The following CDHR2 variants were observed in gnomAD, a reference collection of about 807,000 sequenced individuals.
The protein encoded by CDHR2 is cadherin related family member 2.
A neutral mutation model predicts 138.6 loss-of-function variants in CDHR2; 104 were observed. The ratio of observed to expected loss-of-function variants is 0.75; its 90% CI spans 0.64 to 0.88. The LOEUF (loss-of-function observed/expected upper bound fraction) is 0.88, where lower values mean the gene tolerates loss of function less well. Among genes scored for constraint, CDHR2 ranks in the 40% least tolerant of loss-of-function variants. The pLI, the probability that CDHR2 is intolerant of heterozygous loss-of-function variation, is 0.00. For synonymous variants in CDHR2, 755 were observed against 742.8 expected (o/e 1.02, Z -0.27); for missense variants, 1,624 against 1,727.6 (o/e 0.94, Z 1.06).
upstream of CDHR2, chr5:176,547,410 A>G (rs1431716492): frequency 2.0e-5 from 3 of 152,042 alleles, no homozygotes; most frequent in African/African-American, 7.2e-5. Flanking sequence ...ATATATATAT[A>G]TATATAATTT....
chr5:176,544,422 C>A (rs1272497795), upstream of CDHR2, among the ~76,000 whole-genome samples: 2 of 17,642 alleles, frequency 1.1e-4, no homozygotes, highest in South Asian at 3.8e-3. Context: ...TCTTCTTTTC[C>A]TTTATTTTCT....
chr5:176,577,372 T>A (rs1479961970), intron 12 of CDHR2, 27 bp from the exon 13 acceptor site: 1 of 1,592,506 alleles, frequency 6.3e-7, no homozygotes, highest in Non-Finnish European at 8.5e-7. Flanking sequence ...GGGGGACAGG[T>A]CCCTGCTAGA....
chr5:176,573,574 G>C (rs566762208), intron 6 of CDHR2, among the ~76,000 whole-genome samples: 5 of 152,126 alleles, frequency 3.3e-5, no homozygotes, highest in Non-Finnish European at 7.4e-5. Flanking sequence ...TTAAACCCAG[G>C]GGGCAGAGGT....
rs1204771084 is a variant in CDHR2, at chr5:176,568,939, C to G, written c.265-21C>G. Reference sequence around the variant, plus strand: ...ACCCAGCGGGGGCTCACCACCGGCCCCTTCTCTCTGGCTGCTGCAGACACT... The same window carrying G: ...ACCCAGCGGGGGCTCACCACCGGCCGCTTCTCTCTGGCTGCTGCAGACACT... On this transcript the variant is annotated intron_variant, in intron 4 of 31. Transcript: ENST00000261944. 9 of 1,613,830 alleles carry G rather than the reference C, an allele frequency of 5.6e-6. No individual in the cohort carries two copies. The Middle Eastern group carries it at 5.0e-4, about 89-fold the overall frequency.
chr5:176,566,036 T>C (rs1448137589), intron 3 of CDHR2, among the ~76,000 whole-genome samples: 1 of 151,242 alleles, frequency 6.6e-6, no homozygotes, highest in Non-Finnish European at 1.5e-5. Flanking sequence ...GAGGATCCCC[T>C]TGGGCCACGC....
Position 176,553,741 on chromosome 5 carries a change from C to T in CDHR2, c.-16+4327C>T, listed in dbSNP as rs1263095831. ...GCCAGCCCCGCCACCACCACCATCTCCCTCCCCCAACTGTCACCTCCACCA... is the reference window on the plus strand; with the variant it reads ...GCCAGCCCCGCCACCACCACCATCTTCCTCCCCCAACTGTCACCTCCACCA... On this transcript the variant is annotated intron_variant, in intron 1 of 31. Coordinates refer to ENST00000261944, the MANE Select transcript of CDHR2 (RefSeq NM_017675.6). The surrounding 1 kb of genome is among the most constrained non-coding windows in gnomAD (Gnocchi z 4.3). Among the ~76,000 whole-genome samples, 2 of 151,564 alleles carry T rather than the reference C, an allele frequency of 1.3e-5. No homozygotes were observed. The highest frequency in any genetic ancestry group is 4.2e-4 in the South Asian group (2 of 4,750).
chr5:176,566,628 C>G (rs571270605), intron 3 of CDHR2, among the ~76,000 whole-genome samples: 1 of 152,086 alleles, frequency 6.6e-6, no homozygotes, highest in African/African-American at 2.4e-5. Context: ...GCCTTCTTCC[C>G]GCTCAGTGGC....
In CDHR2 at chr5:176,565,346, G is replaced by A. The variant is rs778132715; in HGVS notation, c.-7G>A. 4.3e-5 allele frequency: 70 copies of A among 1,613,654 alleles called. No homozygotes were observed. Among genetic ancestry groups the A allele is most frequent in the African/African-American group, 6.7e-5 (5 of 74,888 alleles). On this transcript the variant is annotated 5_prime_UTR_variant, in exon 2 of 32. Transcript: ENST00000261944. The stretch of plus-strand genomic sequence containing the variant: ...CTGACCTCTTCCCTTAGGTCCCTGC[G>A]GATGTGATGGCCCAGCTATGGCTGT...
Position 176,557,689 on chromosome 5 carries a change from T to TC in CDHR2, c.-15-7648dup, listed in dbSNP as rs1561866741. The stretch of plus-strand genomic sequence containing the variant: ...AAGTCATTATCTGTTGATTTTTTTT[T>TC]CTTTCTTTCTTTCTTTCTTTCTTTT... On this transcript the variant is annotated intron_variant, in intron 1 of 31. Coordinates refer to ENST00000261944, the MANE Select transcript of CDHR2 (RefSeq NM_017675.6). Among the ~76,000 whole-genome samples, 218 of 32,690 alleles carry TC rather than the reference T, an allele frequency of 6.7e-3. 2 individuals are homozygous for TC. The highest frequency in any genetic ancestry group is 8.8e-3 in the African/African-American group (198 of 22,528). The allele number at this position is 32,690 out of a possible 152,430, so 21.4% of individuals were successfully genotyped here.
upstream of CDHR2, among the ~76,000 whole-genome samples, chr5:176,546,783 C>T (rs994301127): frequency 3.4e-5 from 5 of 147,452 alleles, no homozygotes; most frequent in African/African-American, 1.3e-4. Flanking sequence ...TTGAACCCAG[C>T]AGTCTGACCC....
At position 176,577,454 on chromosome 5, in the gene CDHR2, G is replaced by A; in HGVS notation, c.1250G>A (p.Ser417Asn). ...SLGGPDAEAFSVSPERAVGSA... is the reference protein window; with the variant it reads ...SLGGPDAEAFNVSPERAVGSA... ...GGGGGCCCCGATGCAGAAGCCTTCA[G>A]CGTCTCCCCGGAGCGGGCAGTGGGC... is the stretch of plus-strand genomic sequence containing the variant. Residue 417 changes from serine (S) to asparagine (N), a missense_variant, in exon 13 of 32, where the codon AGC becomes AAC. Physicochemically the swap from Ser to Asn is conservative, Grantham distance 46 (BLOSUM62 1). Transcript: ENST00000261944. 6.2e-7 allele frequency: 1 copy of A among 1,610,240 alleles called. No individual in the cohort carries two copies. The highest frequency in any genetic ancestry group is 8.5e-7 in the Non-Finnish European group (1 of 1,178,732).
intron 1 of CDHR2, among the ~76,000 whole-genome samples, chr5:176,544,258 G>A (rs1757530541): frequency 1.3e-5 from 2 of 152,244 alleles, no homozygotes; most frequent in Middle Eastern, 3.2e-3. Flanking sequence ...GAGGGAATGA[G>A]TGCCCTGGAA....
At position 176,578,493 on chromosome 5, in the gene CDHR2, C is replaced by T; in HGVS notation, c.1703C>T (p.Ser568Phe). The change falls in exon 16 of 32, where the codon TCC becomes TTC. Residue 568 changes from serine to phenylalanine, a missense_variant. Transcript: ENST00000261944. ...GCCACAGACGGCGGGAACCTGTCCT[C>T]CTCCACCACACTGCAGATCCACCTG... is the stretch of plus-strand genomic sequence containing the variant. ...LQATDGGNLS[S>F]STTLQIHLLD... is the part of the protein sequence containing the mutation. 2 of 1,613,968 alleles carry T rather than the reference C, an allele frequency of 1.2e-6. No homozygotes were observed. Among genetic ancestry groups the T allele is most frequent in the Admixed American group, 1.7e-5 (1 of 60,004 alleles).
chr5:176,565,280 G>T, intron 1 of CDHR2, 58 bp from the exon 2 acceptor site: 1 of 1,280,198 alleles, frequency 7.8e-7, no homozygotes, highest in South Asian at 1.2e-5. Flanking sequence ...GCAGATGGGA[G>T]TCTGCCAAAA....
At chr5:176,585,197 T>C (rs1758630424) in intron 19 of CDHR2, among the ~76,000 whole-genome samples, 182 bp downstream of exon 19, 2 of 152,222 alleles carry the variant, frequency 1.3e-5, no homozygotes, top group African/African-American at 4.8e-5. Flanking sequence ...CCAGTGGAGT[T>C]GGGCAGTGGG....
intron 21 of CDHR2, 82 bp downstream of exon 21, chr5:176,586,924 A>G: frequency 8.5e-7 from 1 of 1,176,458 alleles, no homozygotes; most frequent in Non-Finnish European, 1.2e-6. Context: ...TCCATGGTAG[A>G]AAGAAAATAT....
At chr5:176,565,069 G>A (rs1347965504) in intron 1 of CDHR2, among the ~76,000 whole-genome samples, 1 of 152,158 alleles carries the variant, frequency 6.6e-6, no homozygotes, top group East Asian at 1.9e-4. Context: ...TAACACAGCT[G>A]CACATCTAGT....
chr5:176,565,265 C>T, intron 1 of CDHR2, 73 bp from the exon 2 acceptor site: 1 of 1,104,034 alleles, frequency 9.1e-7, no homozygotes, highest in Admixed American at 1.7e-5. Context: ...TCAGGTCAGA[C>T]CCAGGCAGAT....
chr5:176,567,646 C>T (rs1231862974), intron 3 of CDHR2, among the ~76,000 whole-genome samples: 2 of 152,172 alleles, frequency 1.3e-5, no homozygotes, highest in Non-Finnish European at 2.9e-5. Context: ...CACGTGCCAC[C>T]AGGCCTGGTT....
Sources: allele counts gnomAD v4.1 joint callset (sites outside exome capture counted in the v4.1 genomes callset), GRCh38; gene constraint gnomAD v4.1.1; non-coding constraint Gnocchi (gnomAD v3.1); transcripts MANE v1.5; gene names NCBI Gene and HGNC (gene_info 2026-07-23, HGNC 2026-07-21).